The following CA10 variants were observed in gnomAD, a reference collection of about 807,000 sequenced individuals.
CA10 encodes carbonic anhydrase 10 (inactive).
In CA10, 14 loss-of-function variants were observed where a neutral mutation model predicts 44.2. The ratio of observed to expected loss-of-function variants is 0.32; its 90% CI spans 0.21 to 0.50. The LOEUF (loss-of-function observed/expected upper bound fraction) is 0.50, where lower values mean the gene tolerates loss of function less well. CA10 is among the 20% of genes least tolerant of loss of function. The pLI is 0.99. For synonymous variants in CA10, 159 were observed against 141.6 expected (o/e 1.12, Z -0.87); for missense variants, 350 against 409.7 (o/e 0.85, Z 1.26).
intron 2 of CA10, among the ~76,000 whole-genome samples, chr17:52,053,109 C>CTAA (rs1245199107): frequency 6.6e-6 from 1 of 152,044 alleles, no homozygotes; most frequent in African/African-American, 2.4e-5. Flanking sequence ...CCATACATAT[C>CTAA]ACTTCCTAAT....
chr17:51,970,836 A>G (rs995204650), intron 2 of CA10, among the ~76,000 whole-genome samples: 7 of 152,028 alleles, frequency 4.6e-5, no homozygotes, highest in Admixed American at 3.3e-4. Flanking sequence ...CAGGTAAAAT[A>G]CCTACACAGA....
At chr17:52,092,766 C>G (rs1988301070) in intron 1 of CA10, among the ~76,000 whole-genome samples, 1 of 152,184 alleles carries the variant, frequency 6.6e-6, no homozygotes, top group Non-Finnish European at 1.5e-5. Context: ...GTCCTTCACT[C>G]AGTCCTTACT....
intron 4 of CA10, among the ~76,000 whole-genome samples, chr17:51,743,782 T>C (rs1904559152): frequency 6.6e-6 from 1 of 152,204 alleles, no homozygotes; most frequent in African/African-American, 2.4e-5. Flanking sequence ...GCTAGAAGTG[T>C]CTACTTGGGT....
At position 52,006,439 on chromosome 17, in the gene CA10, AC is replaced by A. The variant is rs1985599842; in HGVS notation, c.136+65879del. Among the ~76,000 whole-genome samples the A allele has an allele frequency of 2.6e-5, 4 of 152,004 alleles. No homozygotes were observed. The South Asian group carries it at 8.3e-4, about 32-fold the overall frequency. On this transcript the variant is annotated intron_variant, in intron 2 of 8. Coordinates refer to ENST00000451037, the MANE Select transcript of CA10 (RefSeq NM_020178.5). ...TCAGATTTAGCAAATGTTAACACTTACCATTCTTTCAACAAATCTCTCTTTG... is the reference window on the plus strand; with the variant it reads ...TCAGATTTAGCAAATGTTAACACTTACATTCTTTCAACAAATCTCTCTTTG...
intron 2 of CA10, among the ~76,000 whole-genome samples, chr17:51,959,797 G>GGAA (rs558145441): frequency 8.9e-6 from 1 of 112,376 alleles, no homozygotes; most frequent in Non-Finnish European, 1.8e-5. Flanking sequence ...CTGCTAAGAT[G>GGAA]AAAAAAAAAA....
chr17:52,024,741 AAT>A (rs1011127776), intron 2 of CA10, among the ~76,000 whole-genome samples: 37 of 152,224 alleles, frequency 2.4e-4, no homozygotes, highest in African/African-American at 8.7e-4. Context: ...AATCATGAAT[AAT>A]TATATTACAG....
chr17:51,819,856 T>C (rs1907695198), intron 3 of CA10, among the ~76,000 whole-genome samples: 1 of 152,082 alleles, frequency 6.6e-6, no homozygotes, highest in South Asian at 2.1e-4. Flanking sequence ...TACTGGGAAA[T>C]GTATGCTCTC....
chr17:51,997,599 A>C (rs942680479), intron 2 of CA10, among the ~76,000 whole-genome samples: 1 of 152,080 alleles, frequency 6.6e-6, no homozygotes, highest in African/African-American at 2.4e-5. Flanking sequence ...TGCTCAGCAA[A>C]GTTCTTCTCA....
intron 3 of CA10, among the ~76,000 whole-genome samples, chr17:51,763,713 T>C (rs1905277905): frequency 1.3e-5 from 2 of 152,136 alleles, no homozygotes; most frequent in African/African-American, 4.8e-5. Flanking sequence ...CAGCAAAACT[T>C]ATTTTCATGA....
chr17:51,745,589 T>C (rs1004336883), intron 4 of CA10, among the ~76,000 whole-genome samples: 1 of 152,174 alleles, frequency 6.6e-6, no homozygotes, highest in African/African-American at 2.4e-5. Flanking sequence ...GAGATCAAAT[T>C]ACTATATGTT....
At chr17:51,967,844 T>TAA (rs978965440) in intron 2 of CA10, among the ~76,000 whole-genome samples, 57 of 150,256 alleles carry the variant, frequency 3.8e-4, no homozygotes, top group African/African-American at 1.4e-3. Context: ...GTTGAAATTA[T>TAA]AAAAAAAAAG....
chr17:51,906,407 T>C (rs1199474727), intron 3 of CA10, among the ~76,000 whole-genome samples: 5 of 152,088 alleles, frequency 3.3e-5, no homozygotes, highest in African/African-American at 1.2e-4. Context: ...CACCACACTT[T>C]CTGGATGTCC....
intron 2 of CA10, among the ~76,000 whole-genome samples, chr17:52,027,879 A>G (rs558079870): frequency 6.6e-6 from 1 of 152,294 alleles, no homozygotes; most frequent in East Asian, 1.9e-4. Flanking sequence ...AGTAGGAGAC[A>G]GAGACAGTCA....
intron 2 of CA10, among the ~76,000 whole-genome samples, chr17:51,964,870 C>T (rs990889700): frequency 3.3e-5 from 5 of 151,574 alleles, no homozygotes; most frequent in Non-Finnish European, 5.9e-5. Flanking sequence ...AAACTGACCC[C>T]AAAGCTAGCA....
At chr17:52,078,593 G>A (rs1343945985) in intron 1 of CA10, among the ~76,000 whole-genome samples, 3 of 152,156 alleles carry the variant, frequency 2.0e-5, no homozygotes, top group Non-Finnish European at 4.4e-5. Flanking sequence ...AAGGAGGAAG[G>A]TACCAAGTCT....
intron 2 of CA10, among the ~76,000 whole-genome samples, chr17:51,985,531 A>G (rs896839555): frequency 2.6e-5 from 4 of 152,136 alleles, no homozygotes; most frequent in African/African-American, 7.2e-5. Context: ...CAAGAGAAAA[A>G]ATAAAGGGCA....
intron 1 of CA10, among the ~76,000 whole-genome samples, chr17:52,123,672 G>A (rs917965979): frequency 6.6e-6 from 1 of 152,178 alleles, no homozygotes; most frequent in South Asian, 2.1e-4. Flanking sequence ...ATTTCCAGAA[G>A]TTTTTCAAGA....
At chr17:52,017,245 T>C (rs1382052164) in intron 2 of CA10, among the ~76,000 whole-genome samples, 1 of 152,126 alleles carries the variant, frequency 6.6e-6, no homozygotes. Context: ...ACTTGGTAAC[T>C]GACAAATGTT....
At chr17:52,111,697 T>A (rs1988792537) in intron 1 of CA10, among the ~76,000 whole-genome samples, 1 of 152,220 alleles carries the variant, frequency 6.6e-6, no homozygotes, top group Non-Finnish European at 1.5e-5. Context: ...AGGAAAGCTT[T>A]TTGTAAATCA....
Sources: gnomAD v4.1 joint callset for allele counts (sites outside exome capture counted in the v4.1 genomes callset) on GRCh38, gnomAD v4.1.1 for gene constraint, MANE v1.5 for transcripts, NCBI Gene and HGNC (gene_info 2026-07-23, HGNC 2026-07-21) for gene names.